Variants in FBXO38 observed in about 807,000 individuals in gnomAD.
FBXO38 encodes F-box only protein 38.
Under a neutral mutation model 131.9 loss-of-function variants are expected in FBXO38, and 53 were observed. The ratio of observed to expected loss-of-function variants is 0.40; its 90% CI spans 0.32 to 0.51. The LOEUF is 0.51. Ranked by LOEUF, FBXO38 falls within the 20% of genes least tolerant of loss-of-function variation. FBXO38 has a pLI of 0.53. For synonymous variants in FBXO38, 452 were observed against 505.6 expected (o/e 0.89, Z 1.42); for missense variants, 1,076 against 1,475.6 (o/e 0.73, Z 4.44).
chr5:148,425,011 G>C (rs535720734), intron 13 of FBXO38, among the ~76,000 whole-genome samples: 3 of 152,114 alleles, frequency 2.0e-5, no homozygotes, highest in South Asian at 2.1e-4. Flanking sequence ...TGTAACATGC[G>C]TCTAGCCTTC....
At chr5:148,403,570 C>T (rs1464873681) in intron 5 of FBXO38, among the ~76,000 whole-genome samples, 1 of 152,074 alleles carries the variant, frequency 6.6e-6, no homozygotes, top group African/African-American at 2.4e-5. Context: ...TCAATCTGTA[C>T]CTCACTTCTG....
Position 148,427,676 on chromosome 5 carries a change from G to A in FBXO38, c.2382G>A (p.Glu794=), listed in dbSNP as rs1438510838. Residue 794 remains glutamate, a synonymous_variant, in exon 15 of 22, where the codon GAG becomes GAA. Coordinates refer to ENST00000340253, the MANE Select transcript of FBXO38 (RefSeq NM_205836.3). ...SQRRTSRCSD[E]ERPSTSRACV... ...GGAGAACTAGCAGGTGTTCTGATGA[G>A]GAACGTCCTTCAACCAGCCGAGCCT... 1.9e-6 allele frequency: 3 copies of A among 1,614,162 alleles called. No individual in the cohort carries two copies. In the South Asian group the frequency reaches 3.3e-5, roughly 18 times the overall value.
Position 148,427,141 on chromosome 5 carries a change from CT to C in FBXO38, c.1919-70del. On this transcript the variant is annotated intron_variant, in intron 14 of 21. Transcript: ENST00000340253. ...CATTATTTCCTGTTCCAAATTTACT[CT>C]TGCGTTTTGTCCAGAATTTATACTG... 4.0e-6 allele frequency: 6 copies of C among 1,503,952 alleles called. No homozygotes were observed. The South Asian group carries it at 6.8e-5, about 17-fold the overall frequency. 93.2% of individuals were successfully genotyped at this position (1,503,952 alleles called of 1,614,324 possible).
At chr5:148,431,169 A>G (rs1374803548) in intron 15 of FBXO38, among the ~76,000 whole-genome samples, 6 of 152,254 alleles carry the variant, frequency 3.9e-5, no homozygotes, top group Non-Finnish European at 7.3e-5. Flanking sequence ...TTAGATAATA[A>G]CTATGAACAT....
chr5:148,424,000 T>C lies in FBXO38; in HGVS notation c.1621T>C (p.Leu541=). Residue 541 remains leucine, a splice_region_variant and synonymous_variant, in exon 13 of 22, where the codon TTA becomes CTA. Coordinates refer to ENST00000340253, the MANE Select transcript of FBXO38 (RefSeq NM_205836.3). The part of the protein sequence containing the change: ...PGEQQFAADA[L]NEMEDIVQED... ...CTTTGTGTATATTTTCGTTGAAGCA[T>C]TAAATGAGATGGAAGACATCGTCCA... 5 of 1,610,938 alleles carry C rather than the reference T, an allele frequency of 3.1e-6. No homozygotes were observed. The highest frequency in any genetic ancestry group is 4.2e-6 in the Non-Finnish European group (5 of 1,178,916).
intron 20 of FBXO38, 82 bp downstream of exon 20, chr5:148,440,609 G>A: frequency 2.5e-6 from 2 of 804,550 alleles, no homozygotes; most frequent in Non-Finnish European, 3.9e-6. Context: ...GGAGGCTGAG[G>A]TGGGAGGATC....
intron 11 of FBXO38, chr5:148,416,747 TGTGCTGTTGG>T: frequency 2.2e-6 from 1 of 463,984 alleles, no homozygotes. Context: ...TTACTGGCCA[TGTGCTGTTGG>T]GCAGATCTCT....
At chr5:148,433,208 G>A (rs1326925896) in intron 15 of FBXO38, 3 of 459,518 alleles carry the variant, frequency 6.5e-6, no homozygotes, top group Non-Finnish European at 7.9e-6. Context: ...GCATGAGAAG[G>A]GTTGTTATGT....
chr5:148,408,121 A>C (rs1268717566), intron 7 of FBXO38, among the ~76,000 whole-genome samples: 3 of 152,186 alleles, frequency 2.0e-5, no homozygotes, highest in Admixed American at 1.3e-4. Flanking sequence ...ACATGAAAAA[A>C]CGATAAAAGT....
At chr5:148,435,641 G>A (rs1053497655) in intron 17 of FBXO38, among the ~76,000 whole-genome samples, 5 of 151,994 alleles carry the variant, frequency 3.3e-5, no homozygotes, top group South Asian at 2.1e-4. Context: ...ATGGTGGCGG[G>A]TGCCTGTAGT....
chr5:148,436,156 C>T (rs1222577009), intron 17 of FBXO38, among the ~76,000 whole-genome samples: 1 of 152,172 alleles, frequency 6.6e-6, no homozygotes, highest in East Asian at 1.9e-4. Flanking sequence ...CCAGTAGATG[C>T]TCAATTCATG....
At chr5:148,387,051 G>T (rs1160544108) in intron 1 of FBXO38, among the ~76,000 whole-genome samples, 2 of 152,036 alleles carry the variant, frequency 1.3e-5, no homozygotes, top group African/African-American at 4.8e-5. Context: ...AGTTTCTTAG[G>T]ACAACAGTGA....
At chr5:148,429,356 A>G (rs1753902629) in intron 15 of FBXO38, among the ~76,000 whole-genome samples, 1 of 150,686 alleles carries the variant, frequency 6.6e-6, no homozygotes, top group Non-Finnish European at 1.5e-5. Context: ...ATTCCAAACT[A>G]TCACCATCTT....
intron 10 of FBXO38, 121 bp from the exon 11 acceptor site, chr5:148,415,807 A>G (rs911387432): frequency 9.5e-7 from 1 of 1,052,832 alleles, no homozygotes. Context: ...GAAGTCATGA[A>G]AAAAAGGAAA....
At chr5:148,396,066 T>A (rs551184824) in intron 2 of FBXO38, among the ~76,000 whole-genome samples, 1 of 152,294 alleles carries the variant, frequency 6.6e-6, no homozygotes, top group South Asian at 2.1e-4. Context: ...GCACTGTATT[T>A]TTTTTTCTAA....
chr5:148,389,061 G>A (rs1195036980), intron 1 of FBXO38, among the ~76,000 whole-genome samples: 2 of 152,154 alleles, frequency 1.3e-5, no homozygotes, highest in East Asian at 1.9e-4. Context: ...CAGGAAATAG[G>A]GAGGCCTAAG....
At chr5:148,425,181 A>G (rs963876563) in intron 13 of FBXO38, among the ~76,000 whole-genome samples, 1 of 152,188 alleles carries the variant, frequency 6.6e-6, no homozygotes, top group African/African-American at 2.4e-5. Flanking sequence ...TAAAATTATT[A>G]TCACTGTTAT....
chr5:148,438,084 C>T (rs1206565602), intron 17 of FBXO38, among the ~76,000 whole-genome samples: 1 of 152,164 alleles, frequency 6.6e-6, no homozygotes, highest in Non-Finnish European at 1.5e-5. Context: ...CTGGGCAAGT[C>T]ATTTTCTGAG....
Position 148,433,506 on chromosome 5 carries a change from C to G in FBXO38, c.2736C>G (p.Ile912Met). 6.2e-7 allele frequency: 1 copy of G among 1,612,620 alleles called. No individual in the cohort carries two copies. Among genetic ancestry groups the G allele is most frequent in the Non-Finnish European group, 8.5e-7 (1 of 1,178,938 alleles). Residue 912 changes from isoleucine to methionine, a missense_variant, in exon 16 of 22, where the codon ATC becomes ATG. Coordinates refer to ENST00000340253, the MANE Select transcript of FBXO38 (RefSeq NM_205836.3). ...CCACTAGTACAAGTGATCCTGTGATCGAGGATGACCATGTGCAGGTAGAGA... is the reference window on the plus strand; with the variant it reads ...CCACTAGTACAAGTGATCCTGTGATGGAGGATGACCATGTGCAGGTAGAGA... ...DKSTSTSDPV[I>M]EDDHVQVLVL...
Sources: allele counts gnomAD v4.1 joint callset (sites outside exome capture counted in the v4.1 genomes callset), GRCh38; gene constraint gnomAD v4.1.1; transcripts MANE v1.5; gene names NCBI Gene and HGNC (gene_info 2026-07-23, HGNC 2026-07-21).